JAKMIP1: variants seen among roughly 807,000 people sequenced by gnomAD.
The protein encoded by JAKMIP1 is janus kinase and microtubule interacting protein 1.
JAKMIP1 carries 33 observed loss-of-function variants against 113.0 expected under a neutral mutation model. The observed-to-expected ratio is 0.29, with a 90% confidence interval of 0.22 to 0.39. The LOEUF is 0.39. JAKMIP1 is among the 10% of genes least tolerant of loss of function. The pLI is 1.00. For missense variants in JAKMIP1, 813 were observed against 1,080.5 expected, an observed-to-expected ratio of 0.75 and a Z score of 3.47; for synonymous variants, 480 against 459.9, an observed-to-expected ratio of 1.04 and a Z score of -0.56.
At position 6,157,384 on chromosome 4, in the gene JAKMIP1, T is replaced by G. The variant is rs929337764; in HGVS notation, c.-148+42869A>C. Among the ~76,000 whole-genome samples, 3 of 152,172 alleles carry G rather than the reference T, an allele frequency of 2.0e-5. No individual in the cohort carries two copies. Among genetic ancestry groups the G allele is most frequent in the African/African-American group, 4.8e-5 (2 of 41,436 alleles). On this transcript the variant is annotated intron_variant, in intron 1 of 20. Transcript: ENST00000409021. The surrounding 1 kb of genome is among the most constrained non-coding windows in gnomAD (Gnocchi z 4.7). ...GGGTTGTCCCAAGAACCAAATGAGA[T>G]TAAATTGAAAGCTCTCTGAAAAGCA...
intron 1 of JAKMIP1, among the ~76,000 whole-genome samples, chr4:6,120,548 C>T (rs553150661): frequency 5.9e-5 from 9 of 152,292 alleles, no homozygotes; most frequent in Non-Finnish European, 1.3e-4. Flanking sequence ...GGGAGGCCCA[C>T]GGACAACAGT....
intron 1 of JAKMIP1, among the ~76,000 whole-genome samples, chr4:6,146,646 A>G (rs577912680): frequency 7.2e-5 from 11 of 152,318 alleles, no homozygotes; most frequent in African/African-American, 2.4e-4. Flanking sequence ...ATGTGAATGT[A>G]CTTAACACTA....
At chr4:6,101,515 T>C (rs1713023479) in intron 3 of JAKMIP1, among the ~76,000 whole-genome samples, 1 of 152,152 alleles carries the variant, frequency 6.6e-6, no homozygotes, top group Non-Finnish European at 1.5e-5. Flanking sequence ...AATTTTTCTC[T>C]TCTTCAAGAT....
At chr4:6,098,083 C>A (rs1712136180) in intron 3 of JAKMIP1, among the ~76,000 whole-genome samples, 1 of 152,178 alleles carries the variant, frequency 6.6e-6, no homozygotes. Context: ...AAGGTGCTGT[C>A]CAAAACCACG....
At chr4:6,122,685 CTGT>C (rs1453742857) in intron 1 of JAKMIP1, among the ~76,000 whole-genome samples, 1 of 152,174 alleles carries the variant, frequency 6.6e-6, no homozygotes, top group African/African-American at 2.4e-5. Flanking sequence ...TACCCCTGAA[CTGT>C]TGTTTCGTCA....
intron 20 of JAKMIP1, among the ~76,000 whole-genome samples, chr4:6,028,857 T>C (rs1349998902): frequency 6.6e-6 from 1 of 152,240 alleles, no homozygotes; most frequent in Admixed American, 6.5e-5. Flanking sequence ...TAGGCAATTA[T>C]TGTTTTTCTG....
At chr4:6,175,444 G>A (rs1259483414) in intron 1 of JAKMIP1, among the ~76,000 whole-genome samples, 1 of 152,100 alleles carries the variant, frequency 6.6e-6, no homozygotes, top group Admixed American at 6.5e-5. Context: ...TTTTCTTTTT[G>A]CAACACTTTC....
intron 3 of JAKMIP1, among the ~76,000 whole-genome samples, chr4:6,098,727 AAAGAAAGAGAAG>A (rs760897480): frequency 0.41 from 18,398 of 44,724 alleles, 1,772 homozygotes; most frequent in East Asian, 0.48. Flanking sequence ...AAAGAAAAAG[AAAGAAAGAGAAG>A]GAAGGAAGGA....
Position 6,199,345 on chromosome 4 carries a change from C to G in JAKMIP1, c.-148+908G>C, listed in dbSNP as rs1279350012. On this transcript the variant is annotated intron_variant, in intron 1 of 20. Coordinates refer to ENST00000409021, the MANE Select transcript of JAKMIP1 (RefSeq NM_001099433.2). The surrounding 1 kb of genome is among the most constrained non-coding windows in gnomAD (Gnocchi z 5.6). ...TTCTAAGGCGAAAAGAAGCGCCAGCCTCGTAAGCGGCCTCTATCTGGGCTG... is the reference window on the plus strand; with the variant it reads ...TTCTAAGGCGAAAAGAAGCGCCAGCGTCGTAAGCGGCCTCTATCTGGGCTG... Among the ~76,000 whole-genome samples the G allele has an allele frequency of 2.0e-5, 3 of 152,176 alleles. No individual in the cohort carries two copies. Among genetic ancestry groups the G allele is most frequent in the Non-Finnish European group, 4.4e-5 (3 of 68,024 alleles).
intron 5 of JAKMIP1, 151 bp downstream of exon 5, chr4:6,084,695 G>T: frequency 1.3e-6 from 1 of 778,582 alleles, no homozygotes; most frequent in Non-Finnish European, 1.9e-6. Flanking sequence ...CAATGAGCAT[G>T]TGTTAGATTT....
chr4:6,098,523 A>G (rs924951078), intron 3 of JAKMIP1, among the ~76,000 whole-genome samples: 3 of 88,760 alleles, frequency 3.4e-5, no homozygotes, highest in Admixed American at 1.5e-4. Context: ...AGGAAGGAAG[A>G]AAGAGAGAGA....
rs1187307655 is a variant in JAKMIP1, at chr4:6,031,951, C to A, written c.2380-2170G>T. ...ACTGATAATTTTCTACTCTCTCCCACCCGAAGGGAACTGTGTGACCTCAGT... is the reference window on the plus strand; with the variant it reads ...ACTGATAATTTTCTACTCTCTCCCAACCGAAGGGAACTGTGTGACCTCAGT... On this transcript the variant is annotated intron_variant, in intron 19 of 20. Transcript: ENST00000409021. This position sits in a 1 kb window ranked among gnomAD's most constrained non-coding sequence, Gnocchi z 4.4. 1.3e-5 allele frequency among the ~76,000 whole-genome samples: 2 copies of A among 152,194 alleles called. No homozygotes were observed. The highest frequency in any genetic ancestry group is 2.9e-5 in the Non-Finnish European group (2 of 68,040).
At chr4:6,110,049 C>T (rs1465814959) in intron 2 of JAKMIP1, among the ~76,000 whole-genome samples, 2 of 152,114 alleles carry the variant, frequency 1.3e-5, no homozygotes, top group Admixed American at 6.5e-5. Context: ...GCCTGGGGTC[C>T]GCATGGGCCT....
rs1048353103 is a variant in JAKMIP1 at position 6,065,320 on chromosome 4, T to G, written c.1303-312A>C. On this transcript the variant is annotated intron_variant, in intron 8 of 20. Transcript: ENST00000409021. This position sits in a 1 kb window ranked among gnomAD's most constrained non-coding sequence, Gnocchi z 5.1. The stretch of plus-strand genomic sequence containing the variant: ...CAGCCTCCTTCTCTAGCAAATGGAT[T>G]GAGAAGCCACCTCACCTGTGAGCAC... 3.9e-5 allele frequency among the ~76,000 whole-genome samples: 6 copies of G among 152,270 alleles called. No homozygotes were observed. The highest frequency in any genetic ancestry group is 1.4e-4 in the African/African-American group (6 of 41,546).
In JAKMIP1 at chr4:6,185,963, T is replaced by C. The variant is rs550616400; in HGVS notation, c.-148+14290A>G. On this transcript the variant is annotated intron_variant, in intron 1 of 20. Coordinates refer to ENST00000409021, the MANE Select transcript of JAKMIP1 (RefSeq NM_001099433.2). This position sits in a 1 kb window ranked among gnomAD's most constrained non-coding sequence, Gnocchi z 5.3. ...CAGACTGGACTTTTTTTTAATTACC[T>C]CAGTGTGGAGGTCATTTCCAATTGT... Among the ~76,000 whole-genome samples, 1 of 152,198 alleles carries C rather than the reference T, an allele frequency of 6.6e-6. No homozygotes were observed. The highest frequency in any genetic ancestry group is 2.1e-4 in the South Asian group (1 of 4,802).
rs1270022357 is a variant in JAKMIP1 at position 6,108,944 on chromosome 4, A to T, written c.130-2977T>A. On this transcript the variant is annotated intron_variant, in intron 2 of 20. Coordinates refer to ENST00000409021, the MANE Select transcript of JAKMIP1 (RefSeq NM_001099433.2). The surrounding 1 kb of genome is among the most constrained non-coding windows in gnomAD (Gnocchi z 5.6). ...TACGCAGGTCAGTATACACATATATATTCCTTGTTCTGGCAGCTGAGAGGG... is the reference window on the plus strand; with the variant it reads ...TACGCAGGTCAGTATACACATATATTTTCCTTGTTCTGGCAGCTGAGAGGG... 2.0e-5 allele frequency among the ~76,000 whole-genome samples: 3 copies of T among 152,252 alleles called. No individual in the cohort carries two copies. The highest frequency in any genetic ancestry group is 7.2e-5 in the African/African-American group (3 of 41,466).
chr4:6,041,179 C>T (rs1714269068), intron 17 of JAKMIP1, among the ~76,000 whole-genome samples: 1 of 152,214 alleles, frequency 6.6e-6, no homozygotes, highest in African/African-American at 2.4e-5. Context: ...ACCTGGGTCA[C>T]TGTCTAAGAC....
chr4:6,126,980 G>A (rs1484710078), intron 1 of JAKMIP1, among the ~76,000 whole-genome samples: 1 of 150,532 alleles, frequency 6.6e-6, no homozygotes, highest in African/African-American at 2.4e-5. Flanking sequence ...ACCATACATA[G>A]ACATCACACA....
At chr4:6,189,340 T>C (rs1439191401) in intron 1 of JAKMIP1, among the ~76,000 whole-genome samples, 1 of 152,240 alleles carries the variant, frequency 6.6e-6, no homozygotes, top group Non-Finnish European at 1.5e-5. Context: ...TCTGGACTGA[T>C]ACAACAATCA....
Sources: allele counts gnomAD v4.1 joint callset (sites outside exome capture counted in the v4.1 genomes callset), GRCh38; gene constraint gnomAD v4.1.1; non-coding constraint Gnocchi (gnomAD v3.1); transcripts MANE v1.5; gene names NCBI Gene and HGNC (gene_info 2026-07-23, HGNC 2026-07-21).